CSRNP3: variants seen among roughly 807,000 people sequenced by gnomAD.
The protein encoded by CSRNP3 is cysteine and serine rich nuclear protein 3.
CSRNP3 carries 12 observed loss-of-function variants against 48.0 expected under a neutral mutation model. The observed-to-expected ratio is 0.25, with a 90% CI of 0.16 to 0.41. The LOEUF is 0.41. CSRNP3 is among the 10% of genes least tolerant of loss of function. The probability of loss-of-function intolerance (pLI) is 1.00; values close to 1 mark genes in which losing one functional copy is unlikely to be tolerated. For synonymous variants in CSRNP3, 263 were observed against 269.7 expected, an observed-to-expected ratio of 0.98 and a Z score of 0.24; for missense variants, 580 against 724.4, an observed-to-expected ratio of 0.80 and a Z score of 2.29.
chr2:165,644,321 G>A (rs1315558031), intron 4 of CSRNP3, among the ~76,000 whole-genome samples: 1 of 152,142 alleles, frequency 6.6e-6, no homozygotes, highest in Non-Finnish European at 1.5e-5. Flanking sequence ...AGGAAAACAG[G>A]TAAAGTGACT....
At chr2:165,538,526 G>A (rs543854500) in intron 3 of CSRNP3, among the ~76,000 whole-genome samples, 1 of 152,012 alleles carries the variant, frequency 6.6e-6, no homozygotes, top group South Asian at 2.1e-4. Context: ...AACTCATGGC[G>A]AAGAAAGGAC....
chr2:165,521,135 C>T (rs1433680422), intron 3 of CSRNP3, among the ~76,000 whole-genome samples: 2 of 147,910 alleles, frequency 1.4e-5, no homozygotes, highest in Non-Finnish European at 3.0e-5. Flanking sequence ...TAAGTTTAAC[C>T]ACAAAGAGAC....
intron 3 of CSRNP3, among the ~76,000 whole-genome samples, chr2:165,552,833 T>C (rs189564960): frequency 6.6e-6 from 1 of 152,248 alleles, no homozygotes; most frequent in East Asian, 1.9e-4. Flanking sequence ...TAGCTGGGAC[T>C]ACAGGTGTGT....
intron 4 of CSRNP3, among the ~76,000 whole-genome samples, chr2:165,610,520 C>T (rs762480797): frequency 6.6e-5 from 10 of 152,148 alleles, no homozygotes; most frequent in East Asian, 1.9e-4. Flanking sequence ...GGCTAATAGT[C>T]AGAACTTTGG....
rs183490867 is a variant in CSRNP3, at chr2:165,601,679, T to G, written c.148+6466T>G. 2.9e-3 allele frequency among the ~76,000 whole-genome samples: 428 copies of G among 149,822 alleles called. 2 individuals carry two copies. The highest frequency in any genetic ancestry group is 9.9e-3 in the African/African-American group (402 of 40,622). On this transcript the variant is annotated intron_variant, in intron 4 of 6. Transcript: ENST00000651982. ...TTCCTTCCTTGTCTCCCTCCCTCCC[T>G]TCTCTCCTTCCCTCCCTCCCTTTTC...
chr2:165,659,312 A>G (rs546824544), intron 5 of CSRNP3, among the ~76,000 whole-genome samples: 1 of 152,316 alleles, frequency 6.6e-6, no homozygotes, highest in African/African-American at 2.4e-5. Context: ...TTTAGCAAAC[A>G]AAATCAGCAG....
chr2:165,504,436 C>T (rs1305901281), intron 2 of CSRNP3, among the ~76,000 whole-genome samples: 1 of 152,004 alleles, frequency 6.6e-6, no homozygotes, highest in African/African-American at 2.4e-5. Flanking sequence ...AGCTTATAAA[C>T]GCTGGCATTA....
At position 165,685,746 on chromosome 2, in the gene CSRNP3, CT is replaced by C. The variant is rs1687621012; in HGVS notation, c.*5996del. The C allele has an allele frequency of 6.6e-6, 1 of 152,042 alleles. No individual in the cohort carries two copies. The highest frequency in any genetic ancestry group is 1.5e-5 in the Non-Finnish European group (1 of 67,988). 9.4% of individuals were successfully genotyped at this position (152,042 alleles called of 1,614,324 possible). A position where few individuals can be genotyped will look rare whatever the true frequency, so the allele number is the denominator to read the frequency against. ...AAGAAATGTCAACTTCACTGTGTCACTTTATGTCATCTCTCATAAAAGTTTC... is the reference window on the plus strand; with the variant it reads ...AAGAAATGTCAACTTCACTGTGTCACTTATGTCATCTCTCATAAAAGTTTC... On this transcript the variant is annotated 3_prime_UTR_variant, in exon 7 of 7. Transcript: ENST00000651982.
chr2:165,509,337 G>A (rs943841448), intron 2 of CSRNP3, among the ~76,000 whole-genome samples: 4 of 152,182 alleles, frequency 2.6e-5, no homozygotes, highest in African/African-American at 9.6e-5. Flanking sequence ...TGGGGTAGGA[G>A]GAGGCTTCCA....
intron 3 of CSRNP3, among the ~76,000 whole-genome samples, chr2:165,550,805 G>A (rs1451975699): frequency 1.3e-5 from 2 of 152,082 alleles, no homozygotes; most frequent in Admixed American, 1.3e-4. Flanking sequence ...GTCCTTGGGA[G>A]GCTACCATCC....
chr2:165,660,956 C>T (rs1443595546), intron 5 of CSRNP3, among the ~76,000 whole-genome samples: 1 of 152,160 alleles, frequency 6.6e-6, no homozygotes, highest in Non-Finnish European at 1.5e-5. Flanking sequence ...TTCAGAAACA[C>T]ATGTCACACA....
chr2:165,607,584 T>A (rs1267245747), intron 4 of CSRNP3, among the ~76,000 whole-genome samples: 1 of 152,204 alleles, frequency 6.6e-6, no homozygotes, highest in Non-Finnish European at 1.5e-5. Flanking sequence ...TACAGTTATA[T>A]GTTCCACATA....
chr2:165,644,134 A>G (rs1197878535), intron 4 of CSRNP3, among the ~76,000 whole-genome samples: 1 of 152,160 alleles, frequency 6.6e-6, no homozygotes, highest in African/African-American at 2.4e-5. Context: ...CAAACTCATT[A>G]TAGTTGGATT....
intron 4 of CSRNP3, among the ~76,000 whole-genome samples, chr2:165,603,177 G>A (rs558847872): frequency 2.0e-5 from 3 of 152,130 alleles, no homozygotes; most frequent in African/African-American, 7.2e-5. Context: ...TTACAGGCGT[G>A]AGCCACCGCG....
chr2:165,687,954 C>T lies in CSRNP3; in HGVS notation c.*8201C>T, dbSNP rs1176918373. 1 of 151,612 alleles carries T rather than the reference C, an allele frequency of 6.6e-6. No individual in the cohort carries two copies. Among genetic ancestry groups the T allele is most frequent in the Non-Finnish European group, 1.5e-5 (1 of 67,948 alleles). The allele number at this position is 151,612 out of a possible 1,614,324, so 9.4% of individuals were successfully genotyped here. On this transcript the variant is annotated 3_prime_UTR_variant, in exon 7 of 7. Coordinates refer to ENST00000651982, the MANE Select transcript of CSRNP3 (RefSeq NM_001172173.2). ...TCAATCTTGGTACAGCTGCATATCT[C>T]CCAAACTCGGATGCTCTTGTGAAAT...
At chr2:165,612,878 C>T (rs571494585) in intron 4 of CSRNP3, among the ~76,000 whole-genome samples, 276 of 152,034 alleles carry the variant, frequency 1.8e-3, no homozygotes, top group Middle Eastern at 3.4e-3. Context: ...AATAGCGCTG[C>T]AGTAAAGTTG....
chr2:165,674,922 A>G (rs1247430322), intron 5 of CSRNP3, among the ~76,000 whole-genome samples: 1 of 151,616 alleles, frequency 6.6e-6, no homozygotes, highest in Non-Finnish European at 1.5e-5. Flanking sequence ...CATGTTGCCC[A>G]GGCTGGTCTT....
chr2:165,554,542 T>C (rs1240262313), intron 3 of CSRNP3, among the ~76,000 whole-genome samples: 2 of 152,212 alleles, frequency 1.3e-5, no homozygotes, highest in Non-Finnish European at 2.9e-5. Flanking sequence ...AACATCCTTA[T>C]TGTAATTGGA....
At chr2:165,528,876 C>T (rs1049613795) in intron 3 of CSRNP3, among the ~76,000 whole-genome samples, 22 of 152,142 alleles carry the variant, frequency 1.4e-4, no homozygotes, top group African/African-American at 5.1e-4. Context: ...AGTGTGAGCC[C>T]CATTCCTTCC....
Sources: gnomAD v4.1 joint callset for allele counts (sites outside exome capture counted in the v4.1 genomes callset) on GRCh38, gnomAD v4.1.1 for gene constraint, MANE v1.5 for transcripts, NCBI Gene and HGNC (gene_info 2026-07-23, HGNC 2026-07-21) for gene names.